TNRC6B: variants seen among roughly 807,000 people sequenced by gnomAD.
The protein encoded by TNRC6B is trinucleotide repeat-containing gene 6B protein.
Under a neutral mutation model 203.6 loss-of-function variants are expected in TNRC6B, and 52 were observed. That is an observed-to-expected ratio of 0.26 (90% CI 0.20 to 0.32). TNRC6B has a LOEUF of 0.32. Among genes scored for constraint, TNRC6B ranks in the 10% least tolerant of loss-of-function variants. The pLI, the probability that TNRC6B is intolerant of heterozygous loss-of-function variation, is 1.00. For missense variants in TNRC6B, 1,923 were observed against 2,286.2 expected, an observed-to-expected ratio of 0.84 and a Z score of 3.24; for synonymous variants, 838 against 845.7, an observed-to-expected ratio of 0.99 and a Z score of 0.16.
At chr22:40,109,277 A>G (rs1263641729) in intron 1 of TNRC6B, among the ~76,000 whole-genome samples, 1 of 152,128 alleles carries the variant, frequency 6.6e-6, no homozygotes, top group Non-Finnish European at 1.5e-5. Context: ...AGAATGATTT[A>G]TATTCCTTTG....
intron 1 of TNRC6B, among the ~76,000 whole-genome samples, chr22:40,192,331 G>A (rs1420042903): frequency 6.6e-6 from 1 of 152,190 alleles, no homozygotes; most frequent in African/African-American, 2.4e-5. Context: ...AAGATGGAAA[G>A]ACCAGGCTGG....
At chr22:40,307,108 A>G (rs1249370238) in intron 15 of TNRC6B, among the ~76,000 whole-genome samples, 1 of 150,076 alleles carries the variant, frequency 6.7e-6, no homozygotes, top group East Asian at 2.0e-4. Flanking sequence ...GTGAAAGAAC[A>G]CTGTTCTTTA....
At chr22:40,287,543 C>G (rs963441985) in intron 12 of TNRC6B, among the ~76,000 whole-genome samples, 1 of 152,254 alleles carries the variant, frequency 6.6e-6, no homozygotes, top group East Asian at 1.9e-4. Flanking sequence ...CCTCTTCTTT[C>G]CCTCTAAGTT....
chr22:40,075,156 A>ATATATATATTTTT, intron 1 of TNRC6B, among the ~76,000 whole-genome samples: 1 of 35,566 alleles, frequency 2.8e-5, no homozygotes, highest in African/African-American at 1.0e-4. Flanking sequence ...ATATATATAT[A>ATATATATATTTTT]TTTTTTTTTT....
At chr22:40,201,818 C>T (rs922092188) in intron 1 of TNRC6B, among the ~76,000 whole-genome samples, 2 of 152,038 alleles carry the variant, frequency 1.3e-5, no homozygotes, top group Non-Finnish European at 2.9e-5. Flanking sequence ...TTTTGAGCAC[C>T]AGCACGATAC....
intron 1 of TNRC6B, among the ~76,000 whole-genome samples, chr22:40,090,338 G>C (rs1382938350): frequency 2.0e-5 from 3 of 151,820 alleles, no homozygotes; most frequent in Admixed American, 2.0e-4. Flanking sequence ...GTCGTTACCA[G>C]CATTAGGTGG....
At position 40,265,032 on chromosome 22, in the gene TNRC6B, G is replaced by A. The variant is rs773385111; in HGVS notation, c.802G>A (p.Val268Ile). The A allele has an allele frequency of 1.1e-5, 18 of 1,613,858 alleles. No individual in the cohort carries two copies. In the African/African-American group the frequency reaches 1.9e-4, roughly 17 times the overall value. ...VWKSDPKAKS[V>I]QSSNSTTENN... ...GAAATCTGACCCTAAGGCTAAATCT[G>A]TTCAATCTTCCAACTCTACTACAGA... Residue 268 changes from valine to isoleucine, a missense_variant, in exon 5 of 23, where the codon GTT (valine) becomes ATT (isoleucine). Physicochemically the swap from Val to Ile is conservative, Grantham distance 29. Transcript: ENST00000454349.
Position 40,270,163 on chromosome 22 carries a change from TC to T in TNRC6B, c.2850del (p.Ala951LeufsTer36). 6.3e-7 allele frequency: 1 copy of T among 1,585,740 alleles called. No individual in the cohort carries two copies. The highest frequency in any genetic ancestry group is 8.6e-7 in the Non-Finnish European group (1 of 1,165,330). ...ACCACCTGCTCCAGATAATGGTACT[TC>T]CGCTTGGGGTGAGCCAAATGAAAGC... is the stretch of plus-strand genomic sequence containing the variant. ...STPPAPDNGT[S>X]AWGEPNESSP... is the part of the protein sequence containing the mutation. On this transcript the variant is annotated frameshift_variant, in exon 6 of 23. Transcript: ENST00000454349. LOFTEE classifies it high-confidence loss of function.
At chr22:40,212,474 T>C (rs2043473985) in intron 1 of TNRC6B, among the ~76,000 whole-genome samples, 1 of 152,182 alleles carries the variant, frequency 6.6e-6, no homozygotes. Context: ...ATGCATACCT[T>C]TGGGAACAGA....
intron 3 of TNRC6B, among the ~76,000 whole-genome samples, chr22:40,142,593 C>T (rs1330148883): frequency 3.3e-5 from 5 of 152,212 alleles, no homozygotes; most frequent in African/African-American, 1.2e-4. Context: ...CTGGACTTTA[C>T]ATCCCGCTTA....
intron 1 of TNRC6B, among the ~76,000 whole-genome samples, chr22:40,201,293 T>C (rs2069408934): frequency 1.3e-5 from 2 of 152,118 alleles, no homozygotes; most frequent in South Asian, 4.1e-4. Flanking sequence ...AGGGAACATG[T>C]CTCTGAAAGT....
At chr22:40,270,979 A>T (rs2070555005) in intron 6 of TNRC6B, among the ~76,000 whole-genome samples, 1 of 152,212 alleles carries the variant, frequency 6.6e-6, no homozygotes. Flanking sequence ...CTGCCCAGTG[A>T]CTTCATCCTT....
intron 1 of TNRC6B, among the ~76,000 whole-genome samples, chr22:40,229,792 CATT>C: frequency 6.6e-6 from 1 of 152,198 alleles, no homozygotes; most frequent in Non-Finnish European, 1.5e-5. Context: ...AACAATAGTC[CATT>C]ATTTTTATTG....
intron 3 of TNRC6B, among the ~76,000 whole-genome samples, chr22:40,149,767 T>A (rs1244901050): frequency 6.7e-6 from 1 of 149,346 alleles, no homozygotes; most frequent in Non-Finnish European, 1.5e-5. Context: ...GTGGTGATGA[T>A]TTCATGTGTA....
chr22:40,106,847 C>G, intron 1 of TNRC6B: 2 of 1,146,562 alleles, frequency 1.7e-6, no homozygotes, highest in Non-Finnish European at 2.6e-6. Context: ...TCTTGCCACC[C>G]TCGCCATTCG....
rs1348614763 is a variant in TNRC6B at position 40,265,442 on chromosome 22, C to T, written c.1212C>T (p.Ser404=). ...MPFGMGLGNT[S]RSTDAPSQST... is the part of the protein sequence containing the mutation. ...TTGGAATGGGCTTGGGGAACACCTC[C>T]AGGAGCACTGATGCCCCTTCACAAA... The change falls in exon 5 of 23, where the codon TCC becomes TCT. Residue 404 remains serine (S), a synonymous_variant. Transcript: ENST00000454349. 3.1e-6 allele frequency: 5 copies of T among 1,614,014 alleles called. No individual in the cohort carries two copies. The South Asian group carries it at 5.5e-5, about 18-fold the overall frequency.
intron 21 of TNRC6B, among the ~76,000 whole-genome samples, chr22:40,319,251 A>AC (rs1414593430): frequency 2.7e-3 from 388 of 142,790 alleles, no homozygotes; most frequent in African/African-American, 6.3e-3. Flanking sequence ...GAAGAGTGAG[A>AC]CCCCCCCCAT....
chr22:40,151,619 A>G (rs902896530), intron 3 of TNRC6B, among the ~76,000 whole-genome samples: 1 of 151,836 alleles, frequency 6.6e-6, no homozygotes, highest in Non-Finnish European at 1.5e-5. Context: ...AGATATTGTT[A>G]TAATGGAACA....
chr22:40,061,606 A>G (rs2067853611), intron 1 of TNRC6B, among the ~76,000 whole-genome samples: 1 of 136,280 alleles, frequency 7.3e-6, no homozygotes, highest in Non-Finnish European at 1.5e-5. Context: ...CTCATATATT[A>G]TTTATTTTTC....
Sources: gnomAD v4.1 joint callset for allele counts (sites outside exome capture counted in the v4.1 genomes callset) on GRCh38, gnomAD v4.1.1 for gene constraint, MANE v1.5 for transcripts, NCBI Gene and HGNC (gene_info 2026-07-23, HGNC 2026-07-21) for gene names.